IQGAP2: variants seen among roughly 807,000 people sequenced by gnomAD.
The protein encoded by IQGAP2 is ras GTPase-activating-like protein IQGAP2.
IQGAP2 carries 173 observed loss-of-function variants against 201.3 expected under a neutral mutation model. The observed-to-expected ratio is 0.86, with a 90% confidence interval of 0.76 to 0.98. The LOEUF (loss-of-function observed/expected upper bound fraction) is 0.98. Ranked by LOEUF, IQGAP2 falls within the 50% of genes least tolerant of loss-of-function variation. The pLI, the probability that IQGAP2 is intolerant of heterozygous loss-of-function variation, is 0.00. For synonymous variants in IQGAP2, 675 were observed against 673.9 expected (o/e 1.00, Z -0.03); for missense variants, 1,687 against 1,864.8 (o/e 0.90, Z 1.76).
intron 5 of IQGAP2, among the ~76,000 whole-genome samples, chr5:76,580,082 C>G (rs1745735916): frequency 6.6e-6 from 1 of 151,560 alleles, no homozygotes. Flanking sequence ...TTAAGATCAG[C>G]CTGGCCATGA....
At chr5:76,465,550 G>A (rs555253738) in intron 2 of IQGAP2, among the ~76,000 whole-genome samples, 4 of 152,244 alleles carry the variant, frequency 2.6e-5, no homozygotes, top group African/African-American at 7.2e-5. Context: ...AGAAAAATAA[G>A]CAAAAGGCAT....
Position 76,596,082 on chromosome 5 carries a change from T to C in IQGAP2, c.908-1357T>C, listed in dbSNP as rs139013851. ...GTTTTCTGGGGGATGACTTGAAGGA[T>C]TCCATTAATCATAAGTATTTCCTGT... is the stretch of plus-strand genomic sequence containing the variant. On this transcript the variant is annotated intron_variant, in intron 9 of 35. Transcript: ENST00000274364. Among the ~76,000 whole-genome samples the C allele has an allele frequency of 5.1e-3, 776 of 152,298 alleles. 9 individuals are homozygous for C. The highest frequency in any genetic ancestry group is 0.017 in the African/African-American group (724 of 41,548).
intron 17 of IQGAP2, among the ~76,000 whole-genome samples, chr5:76,648,941 G>A (rs767854422): frequency 6.6e-6 from 1 of 152,144 alleles, no homozygotes; most frequent in African/African-American, 2.4e-5. Flanking sequence ...TGACATTTGT[G>A]TCATCGGATT....
intron 11 of IQGAP2, among the ~76,000 whole-genome samples, chr5:76,603,112 A>G (rs142800192): frequency 8.0e-4 from 122 of 152,272 alleles, no homozygotes; most frequent in African/African-American, 2.7e-3. Context: ...CCTTACCTCC[A>G]GCTCCATCCC....
intron 16 of IQGAP2, among the ~76,000 whole-genome samples, chr5:76,639,469 G>C (rs1395515918): frequency 6.6e-6 from 1 of 152,170 alleles, no homozygotes; most frequent in Non-Finnish European, 1.5e-5. Flanking sequence ...GAATACTCTT[G>C]AAGGAATATT....
At chr5:76,635,004 GA>G (rs1751011528) in intron 15 of IQGAP2, among the ~76,000 whole-genome samples, 1 of 152,150 alleles carries the variant, frequency 6.6e-6, no homozygotes. Context: ...AACTAGATGT[GA>G]AAAATGTAGG....
chr5:76,411,063 G>A (rs1751084917), intron 1 of IQGAP2, among the ~76,000 whole-genome samples: 1 of 152,226 alleles, frequency 6.6e-6, no homozygotes, highest in African/African-American at 2.4e-5. Context: ...AGAGCTTGTT[G>A]GAAAGGCAGA....
intron 2 of IQGAP2, among the ~76,000 whole-genome samples, chr5:76,485,573 G>A (rs1179667377): frequency 6.6e-6 from 1 of 152,168 alleles, no homozygotes; most frequent in Non-Finnish European, 1.5e-5. Flanking sequence ...AGTCCTAAGT[G>A]GGTCCTAGTG....
At chr5:76,553,104 A>G (rs1743677025) in intron 2 of IQGAP2, among the ~76,000 whole-genome samples, 1 of 152,188 alleles carries the variant, frequency 6.6e-6, no homozygotes, top group South Asian at 2.1e-4. Context: ...CCCCTGGGCT[A>G]ATAAGGCTAA....
At chr5:76,455,322 G>T (rs10474474) in intron 1 of IQGAP2, among the ~76,000 whole-genome samples, 33,134 of 151,588 alleles carry the variant, frequency 0.22, 3,823 homozygotes, top group Middle Eastern at 0.29. Flanking sequence ...GCATGGTGGC[G>T]CATGCCTGTA....
At chr5:76,703,672 A>ACG (rs1561615031) in intron 35 of IQGAP2, among the ~76,000 whole-genome samples, 14 of 147,352 alleles carry the variant, frequency 9.5e-5, no homozygotes, top group Non-Finnish European at 1.0e-4. Flanking sequence ...AAAAAAAGAG[A>ACG]GCACTGCAAA....
chr5:76,635,144 T>C (rs935371592), intron 15 of IQGAP2, among the ~76,000 whole-genome samples: 3 of 152,238 alleles, frequency 2.0e-5, no homozygotes, highest in African/African-American at 7.2e-5. Flanking sequence ...AATTACATAA[T>C]TGTATTAATG....
At chr5:76,589,006 T>C in intron 6 of IQGAP2, 33 bp downstream of exon 6, 1 of 1,474,466 alleles carries the variant, frequency 6.8e-7, no homozygotes, top group Non-Finnish European at 9.4e-7. Flanking sequence ...TTTTTTACAA[T>C]CTAGTTATAA....
intron 3 of IQGAP2, among the ~76,000 whole-genome samples, chr5:76,569,187 T>A (rs966432194): frequency 9.2e-5 from 14 of 152,176 alleles, no homozygotes; most frequent in Non-Finnish European, 2.9e-5. Flanking sequence ...GATAGAGTGT[T>A]AGCATAGGGA....
intron 2 of IQGAP2, among the ~76,000 whole-genome samples, chr5:76,523,815 C>G (rs780376369): frequency 6.6e-6 from 1 of 152,074 alleles, no homozygotes; most frequent in African/African-American, 2.4e-5. Context: ...TAGGAGAAAA[C>G]AAAGATGGGG....
At position 76,654,238 on chromosome 5, in the gene IQGAP2, C is replaced by CCT; in HGVS notation, c.2217_2218insCT (p.Tyr740LeufsTer17). 1 of 1,610,814 alleles carries CCT rather than the reference C, an allele frequency of 6.2e-7. No individual in the cohort carries two copies. The highest frequency in any genetic ancestry group is 8.5e-7 in the Non-Finnish European group (1 of 1,178,356). ...TCCGAATGGCAACTGCAAGAAAGAGCTATCTTTCAAGACTACAGTATTTCA... is the reference window on the plus strand; with the variant it reads ...TCCGAATGGCAACTGCAAGAAAGAGCCTTATCTTTCAAGACTACAGTATTTCA... On this transcript the variant is annotated frameshift_variant, in exon 19 of 36. Transcript: ENST00000274364. LOFTEE classifies it high-confidence loss of function.
chr5:76,461,891 C>T (rs1029843522), intron 2 of IQGAP2, among the ~76,000 whole-genome samples: 1 of 152,202 alleles, frequency 6.6e-6, no homozygotes, highest in Non-Finnish European at 1.5e-5. Context: ...ATGACCCCTC[C>T]ACACTCTGCT....
chr5:76,506,543 A>T (rs554659566), intron 2 of IQGAP2, among the ~76,000 whole-genome samples: 57 of 152,332 alleles, frequency 3.7e-4, no homozygotes, highest in African/African-American at 1.3e-3. Flanking sequence ...AGTAACAGTG[A>T]TCTCCAGAAT....
chr5:76,552,168 T>C (rs2150237150), intron 2 of IQGAP2, among the ~76,000 whole-genome samples: 1 of 152,334 alleles, frequency 6.6e-6, no homozygotes, highest in East Asian at 1.9e-4. Flanking sequence ...TCCCATCCTG[T>C]AGCATCTCAG....
Sources: allele counts gnomAD v4.1 joint callset (sites outside exome capture counted in the v4.1 genomes callset), GRCh38; gene constraint gnomAD v4.1.1; transcripts MANE v1.5; gene names NCBI Gene and HGNC (gene_info 2026-07-23, HGNC 2026-07-21).